The following APBB2 variants were observed in gnomAD, a reference collection of about 807,000 sequenced individuals.
The protein encoded by APBB2 is amyloid beta precursor protein binding family B member 2.
APBB2 carries 38 observed loss-of-function variants against 82.5 expected under a neutral mutation model. That is an observed-to-expected ratio of 0.46 (90% CI 0.36 to 0.60). APBB2 has a LOEUF of 0.60. APBB2 is among the 20% of genes least tolerant of loss of function. The pLI is 0.00. For missense variants in APBB2, 772 were observed against 972.3 expected, an observed-to-expected ratio of 0.79 and a Z score of 2.74; for synonymous variants, 341 against 368.2, an observed-to-expected ratio of 0.93 and a Z score of 0.85.
chr4:41,112,712 G>A (rs1272986618), intron 2 of APBB2, among the ~76,000 whole-genome samples: 5 of 152,178 alleles, frequency 3.3e-5, no homozygotes, highest in Admixed American at 6.5e-5. Context: ...GTTTCAGGCC[G>A]GGCGTGGTGG....
intron 10 of APBB2, among the ~76,000 whole-genome samples, chr4:40,907,677 T>C (rs1777400775): frequency 7.0e-6 from 1 of 143,214 alleles, no homozygotes; most frequent in East Asian, 2.1e-4. Flanking sequence ...GACCCTTTTT[T>C]TTTTTTTTTT....
intron 1 of APBB2, among the ~76,000 whole-genome samples, chr4:41,207,198 C>CAAAAAAAA: frequency 1.5e-5 from 1 of 67,342 alleles, no homozygotes; most frequent in Non-Finnish European, 2.5e-5. Flanking sequence ...GACTCCGTCT[C>CAAAAAAAA]AAAAAAAAAA....
intron 4 of APBB2, among the ~76,000 whole-genome samples, chr4:41,064,083 A>G (rs1339152427): frequency 6.8e-6 from 1 of 146,300 alleles, no homozygotes; most frequent in African/African-American, 2.6e-5. Context: ...GGTTCACGCC[A>G]TCCTCCTGCC....
At chr4:41,099,090 T>C (rs1177263736) in intron 3 of APBB2, among the ~76,000 whole-genome samples, 1 of 152,078 alleles carries the variant, frequency 6.6e-6, no homozygotes, top group Non-Finnish European at 1.5e-5. Context: ...CAAAAAAATA[T>C]ATTTTGGGTG....
At position 40,869,351 on chromosome 4, in the gene APBB2, TG is replaced by T. The variant is rs571606399; in HGVS notation, c.1529+21012del. Among the ~76,000 whole-genome samples, 46 of 151,530 alleles carry T rather than the reference TG, an allele frequency of 3.0e-4. 1 individual carries two copies. The East Asian group carries it at 8.3e-3, about 27-fold the overall frequency. On this transcript the variant is annotated intron_variant, in intron 12 of 17. Transcript: ENST00000508593. ...AATCCCAGCACTTTGGGAGGCTGAGTGAGGTAGGAGGATCAGTTGAGGCCAG... is the reference window on the plus strand; with the variant it reads ...AATCCCAGCACTTTGGGAGGCTGAGTAGGTAGGAGGATCAGTTGAGGCCAG...
chr4:40,827,028 G>T, intron 14 of APBB2, 104 bp downstream of exon 14: 1 of 1,014,920 alleles, frequency 9.9e-7, no homozygotes, highest in Non-Finnish European at 1.5e-6. Context: ...AGTTGAGTGT[G>T]CTCTTTAAGG....
At chr4:40,975,789 C>CACACACACAA (rs1441223479) in intron 6 of APBB2, among the ~76,000 whole-genome samples, 1 of 147,710 alleles carries the variant, frequency 6.8e-6, no homozygotes, top group Non-Finnish European at 1.5e-5. Flanking sequence ...CACACACACA[C>CACACACACAA]AACAACCACT....
intron 12 of APBB2, among the ~76,000 whole-genome samples, chr4:40,850,026 T>C (rs1758834446): frequency 6.6e-6 from 1 of 152,188 alleles, no homozygotes; most frequent in Non-Finnish European, 1.5e-5. Flanking sequence ...GCCCTGCTAC[T>C]CAGGTTACTT....
At chr4:40,996,382 C>T (rs1406192028) in intron 6 of APBB2, among the ~76,000 whole-genome samples, 1 of 152,180 alleles carries the variant, frequency 6.6e-6, no homozygotes, top group African/African-American at 2.4e-5. Context: ...TGTTTCCACC[C>T]CATCCTCATC....
chr4:41,186,081 A>C (rs1772814392), intron 1 of APBB2, among the ~76,000 whole-genome samples: 1 of 152,220 alleles, frequency 6.6e-6, no homozygotes, highest in South Asian at 2.1e-4. Context: ...TGTACCCGAA[A>C]TATTTTATAA....
intron 14 of APBB2, 72 bp downstream of exon 14, chr4:40,827,060 C>A: frequency 7.3e-7 from 1 of 1,372,572 alleles, no homozygotes; most frequent in Non-Finnish European, 1.0e-6. Context: ...ACCAGAGAAC[C>A]ATCTGAGAGC....
chr4:40,982,368 AAGGAAGGAAGGAAGG>A (rs1267816379), intron 6 of APBB2, among the ~76,000 whole-genome samples: 17 of 16,100 alleles, frequency 1.1e-3, no homozygotes, highest in African/African-American at 1.3e-3. Flanking sequence ...GGAAGGAAGG[AAGGAAGGAAGGAAGG>A]AAGGAAGGAA....
intron 10 of APBB2, among the ~76,000 whole-genome samples, chr4:40,932,719 AT>A (rs1437290949): frequency 6.6e-6 from 1 of 152,226 alleles, no homozygotes; most frequent in African/African-American, 2.4e-5. Context: ...CGAAGATCAG[AT>A]GCATAACTTG....
At chr4:41,022,853 TAA>T (rs4039358) in intron 5 of APBB2, among the ~76,000 whole-genome samples, 40,211 of 152,020 alleles carry the variant, frequency 0.26, 6,494 homozygotes, top group East Asian at 0.54. Flanking sequence ...CCACTGTTAT[TAA>T]TAGTTAAGTC....
chr4:40,903,422 G>A (rs996095205), intron 10 of APBB2, among the ~76,000 whole-genome samples: 8 of 152,286 alleles, frequency 5.3e-5, no homozygotes, highest in South Asian at 4.1e-4. Context: ...AGCCAAGATC[G>A]TGCCACTGCA....
chr4:40,849,495 C>T (rs1758636127), intron 12 of APBB2, among the ~76,000 whole-genome samples: 1 of 152,110 alleles, frequency 6.6e-6, no homozygotes, highest in African/African-American at 2.4e-5. Flanking sequence ...AGATAATTTT[C>T]TTTATATTTG....
intron 5 of APBB2, among the ~76,000 whole-genome samples, chr4:41,027,883 C>T (rs989982941): frequency 7.2e-5 from 11 of 152,250 alleles, no homozygotes; most frequent in African/African-American, 1.9e-4. Flanking sequence ...ATCCCCTCCA[C>T]GTCTATTCAT....
At chr4:41,104,086 T>C (rs1186206665) in intron 2 of APBB2, among the ~76,000 whole-genome samples, 2 of 152,208 alleles carry the variant, frequency 1.3e-5, no homozygotes, top group Non-Finnish European at 2.9e-5. Context: ...ATAAAGAAAT[T>C]GTATTCTGGA....
intron 6 of APBB2, among the ~76,000 whole-genome samples, chr4:41,005,408 G>A (rs1341325270): frequency 6.7e-6 from 1 of 148,868 alleles, no homozygotes; most frequent in Non-Finnish European, 1.5e-5. Context: ...TTTTTTTTTT[G>A]TTTGCTTGTT....
Sources: allele counts gnomAD v4.1 joint callset (sites outside exome capture counted in the v4.1 genomes callset), GRCh38; gene constraint gnomAD v4.1.1; transcripts MANE v1.5; gene names NCBI Gene and HGNC (gene_info 2026-07-23, HGNC 2026-07-21).